The following FBXO3 variants were observed in gnomAD, a reference collection of about 807,000 sequenced individuals.
The protein encoded by FBXO3 is F-box protein 3, also known as F-box only protein 3.
Under a neutral mutation model 64.8 loss-of-function variants are expected in FBXO3, and 17 were observed. The ratio of observed to expected loss-of-function variants is 0.26; its 90% CI spans 0.18 to 0.39. FBXO3 has a LOEUF of 0.39. FBXO3 is among the 10% of genes least tolerant of loss of function. FBXO3 has a pLI of 1.00. For missense variants in FBXO3, 420 were observed against 589.9 expected, an observed-to-expected ratio of 0.71 and a Z score of 2.98; for synonymous variants, 182 against 201.6, an observed-to-expected ratio of 0.90 and a Z score of 0.82.
Position 33,768,979 on chromosome 11 carries a change from G to C in FBXO3, c.230C>G (p.Ser77Cys), listed in dbSNP as rs1353342701. The C allele has an allele frequency of 6.2e-7, 1 of 1,612,966 alleles. No homozygotes were observed. The highest frequency in any genetic ancestry group is 8.5e-7 in the Non-Finnish European group (1 of 1,179,550). Residue 77 changes from serine to cysteine, a missense_variant, in exon 3 of 11, where the codon TCT (serine) becomes TGT (cysteine). This residue lies in a region of FBXO3 where 337 missense variants were observed against 518.4 expected (regional missense o/e 0.65). Coordinates refer to ENST00000265651, the MANE Select transcript of FBXO3 (RefSeq NM_012175.4). ...EKTQKNQCWK[S>C]LFIDTYSDVG... ...ATCAGAGTAAGTATCTATGAAGAGA[G>C]ATTTCCAACACTGATTCTTCTGTGT...
chr11:33,749,628 T>G (rs11032366), intron 8 of FBXO3, among the ~76,000 whole-genome samples: 56,284 of 152,036 alleles, frequency 0.37, 10,719 homozygotes, highest in Middle Eastern at 0.54. Flanking sequence ...CCTCCCAAAG[T>G]GCTGCGATTA....
chr11:33,751,810 T>A (rs1346248532), intron 6 of FBXO3, among the ~76,000 whole-genome samples: 1 of 152,238 alleles, frequency 6.6e-6, no homozygotes, highest in Non-Finnish European at 1.5e-5. Flanking sequence ...CTCCCCCTCT[T>A]CATCCCCCCA....
intron 1 of FBXO3, chr11:33,772,152 AG>A (rs1310413580): frequency 1.1e-4 from 16 of 152,246 alleles, no homozygotes; most frequent in African/African-American, 3.9e-4. Context: ...ACATGATTCC[AG>A]TGTACTAATC....
intron 3 of FBXO3, among the ~76,000 whole-genome samples, chr11:33,760,158 C>CAA (rs1200652920): frequency 6.6e-6 from 1 of 152,152 alleles, no homozygotes; most frequent in East Asian, 1.9e-4. Flanking sequence ...ATGAAAATGT[C>CAA]AAACGATGAT....
At chr11:33,766,055 C>G (rs1192970936) in intron 3 of FBXO3, among the ~76,000 whole-genome samples, 1 of 152,212 alleles carries the variant, frequency 6.6e-6, no homozygotes, top group Non-Finnish European at 1.5e-5. Context: ...GCTATTTCAC[C>G]TCTTTAATCC....
chr11:33,768,692 A>C (rs1256896699), intron 3 of FBXO3, 159 bp downstream of exon 3: 6 of 778,816 alleles, frequency 7.7e-6, no homozygotes, highest in Non-Finnish European at 1.3e-5. Context: ...TAAGCACTAG[A>C]GTGAAGGTCC....
rs1401145145 is a variant in FBXO3, at chr11:33,747,568, G to A, written c.1049-248C>T. ...GCTCTGTTGCCCACGCTGGAGTGCA[G>A]TGGCGTGATCTCAGCTCACTGCAAA... On this transcript the variant is annotated intron_variant, in intron 9 of 10. Coordinates refer to ENST00000265651, the MANE Select transcript of FBXO3 (RefSeq NM_012175.4). Among the ~76,000 whole-genome samples the A allele has an allele frequency of 6.0e-5, 9 of 150,496 alleles. No individual in the cohort carries two copies. In the East Asian group the frequency reaches 1.8e-3, roughly 29 times the overall value.
intron 9 of FBXO3, among the ~76,000 whole-genome samples, chr11:33,747,787 C>T (rs549996965): frequency 6.6e-6 from 1 of 151,632 alleles, no homozygotes; most frequent in East Asian, 1.9e-4. Context: ...TCTGGGATAT[C>T]AGGCGTGAGC....
At chr11:33,762,979 GA>G (rs1337750835) in intron 3 of FBXO3, among the ~76,000 whole-genome samples, 1 of 152,112 alleles carries the variant, frequency 6.6e-6, no homozygotes, top group African/African-American at 2.4e-5. Context: ...AGGATATTAT[GA>G]AAAACTTCAT....
intron 3 of FBXO3, among the ~76,000 whole-genome samples, chr11:33,767,363 G>A (rs1287548465): frequency 2.0e-5 from 3 of 152,146 alleles, no homozygotes; most frequent in Middle Eastern, 3.2e-3. Context: ...GCAGTGGCGC[G>A]ATCTCGGCTC....
intron 8 of FBXO3, among the ~76,000 whole-genome samples, chr11:33,749,630 C>T (rs1227153384): frequency 6.6e-6 from 1 of 152,168 alleles, no homozygotes; most frequent in Non-Finnish European, 1.5e-5. Flanking sequence ...TCCCAAAGTG[C>T]TGCGATTATA....
intron 3 of FBXO3, among the ~76,000 whole-genome samples, chr11:33,765,698 T>C (rs1385708200): frequency 6.6e-6 from 1 of 152,168 alleles, no homozygotes; most frequent in Non-Finnish European, 1.5e-5. Context: ...GATTGGATCA[T>C]GGGGTGGATT....
At chr11:33,762,642 C>T (rs980309621) in intron 3 of FBXO3, among the ~76,000 whole-genome samples, 1 of 150,522 alleles carries the variant, frequency 6.6e-6, no homozygotes, top group South Asian at 2.1e-4. Context: ...AACTAATGTG[C>T]TTAGTGGGAA....
chr11:33,753,615 C>T (rs983529957), intron 6 of FBXO3: 1 of 152,236 alleles, frequency 6.6e-6, no homozygotes, highest in Non-Finnish European at 1.5e-5. Context: ...CTTTTTATAA[C>T]TTACTAGGTA....
intron 9 of FBXO3, among the ~76,000 whole-genome samples, chr11:33,748,114 T>G (rs1249503489): frequency 1.3e-5 from 2 of 151,962 alleles, no homozygotes; most frequent in Non-Finnish European, 2.9e-5. Flanking sequence ...CTTATACCAC[T>G]GGACCAAATG....
chr11:33,750,125 ATGTC>A (rs1854917732), intron 8 of FBXO3, among the ~76,000 whole-genome samples: 2 of 152,162 alleles, frequency 1.3e-5, no homozygotes, highest in Non-Finnish European at 2.9e-5. Context: ...GTCTAACACT[ATGTC>A]TGACATCCAT....
At chr11:33,763,251 C>T (rs772646624) in intron 3 of FBXO3, 8 of 445,038 alleles carry the variant, frequency 1.8e-5, no homozygotes, top group South Asian at 3.2e-5. Context: ...CTTCTCGACT[C>T]GTTTTATAAG....
At chr11:33,750,515 G>A (rs1434287224) in intron 8 of FBXO3, 24 bp downstream of exon 8, 5 of 1,612,798 alleles carry the variant, frequency 3.1e-6, no homozygotes, top group Non-Finnish European at 3.4e-6. Context: ...TTAACTGAAA[G>A]GTGACCCCAT....
At chr11:33,756,695 C>G (rs1225525509) in intron 4 of FBXO3, among the ~76,000 whole-genome samples, 4 of 152,156 alleles carry the variant, frequency 2.6e-5, no homozygotes, top group African/African-American at 9.7e-5. Flanking sequence ...AATTTAGGGT[C>G]ATCTAGTCCT....
Sources: gnomAD v4.1 joint callset for allele counts (sites outside exome capture counted in the v4.1 genomes callset) on GRCh38, gnomAD v4.1.1 for gene constraint, gnomAD v4.1.1 regional missense constraint, MANE v1.5 for transcripts, NCBI Gene and HGNC (gene_info 2026-07-23, HGNC 2026-07-21) for gene names.